Variants in FGF14 observed in about 807,000 individuals in gnomAD.
FGF14 encodes fibroblast growth factor 14.
FGF14 carries 5 observed loss-of-function variants against 25.5 expected under a neutral mutation model. The observed-to-expected ratio is 0.20, with a 90% CI of 0.10 to 0.41. The LOEUF (loss-of-function observed/expected upper bound fraction) is 0.41. Among genes scored for constraint, FGF14 ranks in the 10% least tolerant of loss-of-function variants. The pLI is 1.00. For synonymous variants in FGF14, 138 were observed against 118.3 expected, an observed-to-expected ratio of 1.17 and a Z score of -1.08; for missense variants, 222 against 320.1, an observed-to-expected ratio of 0.69 and a Z score of 2.34.
chr13:102,223,426 A>G (rs2050702472), intron 1 of FGF14, among the ~76,000 whole-genome samples: 4 of 152,200 alleles, frequency 2.6e-5, no homozygotes, highest in Admixed American at 2.6e-4. Context: ...TGCCCCTGGG[A>G]TCACTGCAAG....
chr13:101,956,768 C>CAAAAAA (rs372879439), intron 1 of FGF14, among the ~76,000 whole-genome samples: 10 of 122,576 alleles, frequency 8.2e-5, no homozygotes, highest in South Asian at 2.7e-4. Flanking sequence ...TTCACTTTAC[C>CAAAAAA]AAAAAAAAAA....
intron 1 of FGF14, among the ~76,000 whole-genome samples, chr13:102,040,936 A>C (rs2041701982): frequency 6.6e-6 from 1 of 152,088 alleles, no homozygotes. Flanking sequence ...TTGGTAGTAA[A>C]AAATCGCTTA....
intron 1 of FGF14, among the ~76,000 whole-genome samples, chr13:102,323,698 T>A (rs1389637042): frequency 6.6e-6 from 1 of 152,170 alleles, no homozygotes; most frequent in Non-Finnish European, 1.5e-5. Context: ...AAAAGATAAA[T>A]GACCTACAAT....
intron 3 of FGF14, among the ~76,000 whole-genome samples, chr13:101,834,956 A>G (rs2042850341): frequency 6.6e-6 from 1 of 152,088 alleles, no homozygotes; most frequent in African/African-American, 2.4e-5. Flanking sequence ...TGGACTAGAC[A>G]TAACATATTT....
intron 1 of FGF14, among the ~76,000 whole-genome samples, chr13:102,359,090 TTC>T (rs1350746779): frequency 1.3e-5 from 2 of 152,072 alleles, no homozygotes; most frequent in East Asian, 1.9e-4. Flanking sequence ...ACACAGCATG[TTC>T]TCACTTGTAA....
At chr13:101,933,248 T>TG (rs1395205644) in intron 1 of FGF14, among the ~76,000 whole-genome samples, 1 of 152,224 alleles carries the variant, frequency 6.6e-6, no homozygotes, top group African/African-American at 2.4e-5. Flanking sequence ...TGCATGTGTT[T>TG]GCAGACATTC....
At chr13:102,326,583 T>C (rs937238792) in intron 1 of FGF14, among the ~76,000 whole-genome samples, 1 of 137,874 alleles carries the variant, frequency 7.3e-6, no homozygotes, top group Non-Finnish European at 1.5e-5. Context: ...AGAAGAAACA[T>C]GCACACAAGA....
chr13:102,199,746 T>C (rs908796603), intron 1 of FGF14, among the ~76,000 whole-genome samples: 11 of 152,162 alleles, frequency 7.2e-5, no homozygotes, highest in African/African-American at 2.4e-4. Flanking sequence ...TGTAATCCAA[T>C]CCTTCAGAAA....
chr13:101,980,876 G>A (rs964759407), intron 1 of FGF14, among the ~76,000 whole-genome samples: 1 of 152,156 alleles, frequency 6.6e-6, no homozygotes. Context: ...AATCACCAAT[G>A]TGATAGTATT....
intron 1 of FGF14, among the ~76,000 whole-genome samples, chr13:102,371,361 T>C (rs1416711756): frequency 2.0e-5 from 3 of 152,062 alleles, no homozygotes; most frequent in Non-Finnish European, 2.9e-5. Flanking sequence ...GGGTGCTGGG[T>C]TTGAGGGTTT....
In FGF14 at chr13:102,278,866, G is replaced by A. The variant is rs145622450; in HGVS notation, c.208+122605C>T. Among the ~76,000 whole-genome samples the A allele has an allele frequency of 5.9e-4, 89 of 152,126 alleles. 1 individual carries two copies. In the South Asian group the frequency reaches 7.9e-3, roughly 14 times the overall value. ...CAATGATGAAGTATAAACACAGAGCGCATTTTGAGCCCTCCATAGTGACCT... is the reference window on the plus strand; with the variant it reads ...CAATGATGAAGTATAAACACAGAGCACATTTTGAGCCCTCCATAGTGACCT... On this transcript the variant is annotated intron_variant, in intron 1 of 4. Transcript: ENST00000376131.
At chr13:102,107,662 G>C (rs554586758) in intron 1 of FGF14, among the ~76,000 whole-genome samples, 1 of 152,154 alleles carries the variant, frequency 6.6e-6, no homozygotes, top group African/African-American at 2.4e-5. Flanking sequence ...CATGTAGCTG[G>C]TGCAGAGGGA....
intron 1 of FGF14, among the ~76,000 whole-genome samples, chr13:102,222,169 AAG>A (rs1291615213): frequency 2.6e-5 from 4 of 152,184 alleles, no homozygotes; most frequent in Admixed American, 2.6e-4. Flanking sequence ...AGTATGTAGT[AAG>A]TATTTGCTGA....
Position 101,719,200 on chromosome 13 carries a change from G to T in FGF14, c.*3631C>A, listed in dbSNP as rs534774324. ...TAACTTACTTAAAGAATAAGTTTTT[G>T]GTTTTTGCTTTTAAAGACAACCAAA... On this transcript the variant is annotated 3_prime_UTR_variant, in exon 5 of 5. Transcript: ENST00000376143. 3 of 152,072 alleles carry T rather than the reference G, an allele frequency of 2.0e-5. No homozygotes were observed. Among genetic ancestry groups the T allele is most frequent in the African/African-American group, 7.2e-5 (3 of 41,514 alleles). 9.4% of individuals were successfully genotyped at this position (152,072 alleles called of 1,614,324 possible).
intron 1 of FGF14, among the ~76,000 whole-genome samples, chr13:102,091,907 T>C (rs2044182326): frequency 1.3e-5 from 2 of 152,348 alleles, no homozygotes; most frequent in Non-Finnish European, 2.9e-5. Flanking sequence ...GAGTGGACTC[T>C]GACCACTACC....
intron 2 of FGF14, among the ~76,000 whole-genome samples, chr13:101,874,504 G>A (rs2045286614): frequency 6.6e-6 from 1 of 152,106 alleles, no homozygotes; most frequent in South Asian, 2.1e-4. Context: ...GAAAATGGGA[G>A]AGCAAAACAC....
intron 1 of FGF14, among the ~76,000 whole-genome samples, chr13:102,243,584 T>C (rs1443542485): frequency 1.3e-5 from 2 of 150,632 alleles, no homozygotes; most frequent in African/African-American, 4.9e-5. Context: ...TATGGTAACA[T>C]GGAAAGGAGG....
At chr13:102,175,148 A>G (rs536396425) in intron 1 of FGF14, among the ~76,000 whole-genome samples, 2 of 152,312 alleles carry the variant, frequency 1.3e-5, no homozygotes, top group African/African-American at 4.8e-5. Context: ...AGCAATCCTA[A>G]GCAAAAAGAA....
rs1387040938 is a variant in FGF14 at position 101,724,065 on chromosome 13, TATTAA to T, written c.608-1103_608-1099del. ...AAAGTGCAAATGTACATAAGGTTTCTATTAAATTACTTGCTAAGGTAGCAAAAGGA... is the reference window on the plus strand; with the variant it reads ...AAAGTGCAAATGTACATAAGGTTTCTATTACTTGCTAAGGTAGCAAAAGGA... On this transcript the variant is annotated intron_variant, in intron 4 of 4. Coordinates refer to ENST00000376143, the MANE Select transcript of FGF14 (RefSeq NM_004115.4). Among the ~76,000 whole-genome samples the T allele has an allele frequency of 2.0e-5, 3 of 152,080 alleles. No individual in the cohort carries two copies. The East Asian group carries it at 5.8e-4, about 29-fold the overall frequency.
Sources: allele counts gnomAD v4.1 joint callset (sites outside exome capture counted in the v4.1 genomes callset), GRCh38; gene constraint gnomAD v4.1.1; transcripts MANE v1.5; gene names NCBI Gene and HGNC (gene_info 2026-07-23, HGNC 2026-07-21).